GDAP2: variants seen among roughly 807,000 people sequenced by gnomAD.
The protein encoded by GDAP2 is ganglioside-induced differentiation-associated protein 2.
A neutral mutation model predicts 67.0 loss-of-function variants in GDAP2; 51 were observed. The ratio of observed to expected loss-of-function variants is 0.76; its 90% CI spans 0.61 to 0.96. GDAP2 has a LOEUF of 0.96. GDAP2 is among the 40% of genes least tolerant of loss of function. GDAP2 has a pLI of 0.00. For missense variants in GDAP2, 547 were observed against 588.3 expected (o/e 0.93, Z 0.73); for synonymous variants, 203 against 207.3 (o/e 0.98, Z 0.18).
Position 117,863,843 on chromosome 1 carries a change from T to A in GDAP2, c.*6726A>T, listed in dbSNP as rs1647975042. 1 of 152,254 alleles carries A rather than the reference T, an allele frequency of 6.6e-6. No homozygotes were observed. Among genetic ancestry groups the A allele is most frequent in the South Asian group, 2.1e-4 (1 of 4,834 alleles). 9.4% of individuals were successfully genotyped at this position (152,254 alleles called of 1,614,324 possible). A position where few individuals can be genotyped will look rare whatever the true frequency, so the allele number is the denominator to read the frequency against. On this transcript the variant is annotated 3_prime_UTR_variant, in exon 14 of 14. Coordinates refer to ENST00000369443, the MANE Select transcript of GDAP2 (RefSeq NM_017686.4). ...TAAATCCTCAAATGTTAGCTGTTATTATTTCTAATCAAAGCAGTGGTGGCT... is the reference window on the plus strand; with the variant it reads ...TAAATCCTCAAATGTTAGCTGTTATAATTTCTAATCAAAGCAGTGGTGGCT...
At chr1:117,928,746 A>C (rs1416703339) in intron 1 of GDAP2, among the ~76,000 whole-genome samples, 4 of 152,236 alleles carry the variant, frequency 2.6e-5, no homozygotes, top group Non-Finnish European at 5.9e-5. Context: ...CTTGTTCAAG[A>C]AGCGCCGGCA....
rs1019276304 is a variant in GDAP2 at position 117,868,993 on chromosome 1, G to T, written c.*1576C>A. The stretch of plus-strand genomic sequence containing the variant: ...ACAGGATGAATTTAATGCACTATAG[G>T]GGCATTTCCCTATCATAAATGAAGA... On this transcript the variant is annotated 3_prime_UTR_variant, in exon 14 of 14. Transcript: ENST00000369443. 6.6e-6 allele frequency: 1 copy of T among 152,082 alleles called. No homozygotes were observed. The highest frequency in any genetic ancestry group is 2.4e-5 in the African/African-American group (1 of 41,414). 9.4% of individuals were successfully genotyped at this position (152,082 alleles called of 1,614,324 possible).
intron 8 of GDAP2, among the ~76,000 whole-genome samples, chr1:117,890,592 G>C (rs1186268352): frequency 1.3e-5 from 2 of 151,954 alleles, no homozygotes; most frequent in East Asian, 3.9e-4. Flanking sequence ...GAAGTAATAA[G>C]CACCCTAAAA....
rs184276074 is a variant in GDAP2 at position 117,893,957 on chromosome 1, T to C, written c.953+2876A>G. ...CCTATTTTGTGAACATAACTTTTTT[T>C]AAAAAAGCTGTATTTAGAGAAGAGT... On this transcript the variant is annotated intron_variant, in intron 8 of 13. Coordinates refer to ENST00000369443, the MANE Select transcript of GDAP2 (RefSeq NM_017686.4). Among the ~76,000 whole-genome samples, 15 of 152,266 alleles carry C rather than the reference T, an allele frequency of 9.9e-5. No individual in the cohort carries two copies. In the East Asian group the frequency reaches 2.1e-3, roughly 22 times the overall value.
intron 5 of GDAP2, among the ~76,000 whole-genome samples, chr1:117,907,154 T>C (rs1649684652): frequency 6.6e-6 from 1 of 152,204 alleles, no homozygotes; most frequent in Non-Finnish European, 1.5e-5. Flanking sequence ...CAACTTCTAA[T>C]AACAAGACCT....
At chr1:117,871,553 G>C (rs778959568) in intron 13 of GDAP2, among the ~76,000 whole-genome samples, 24 of 152,268 alleles carry the variant, frequency 1.6e-4, no homozygotes, top group Admixed American at 8.5e-4. Flanking sequence ...TTACATTATA[G>C]CTACTACAGA....
At chr1:117,891,093 G>A (rs2101130865) in intron 8 of GDAP2, among the ~76,000 whole-genome samples, 1 of 150,614 alleles carries the variant, frequency 6.6e-6, no homozygotes, top group Non-Finnish European at 1.5e-5. Flanking sequence ...AAACACTTCT[G>A]GTCCCAAGAA....
intron 5 of GDAP2, among the ~76,000 whole-genome samples, chr1:117,910,123 A>G (rs1056281367): frequency 2.0e-5 from 3 of 152,146 alleles, no homozygotes; most frequent in South Asian, 2.1e-4. Flanking sequence ...GTAGTCTTCC[A>G]CTGAAGCAGT....
At chr1:117,883,453 C>G in intron 11 of GDAP2, 35 bp downstream of exon 11, 1 of 1,508,364 alleles carries the variant, frequency 6.6e-7, no homozygotes, top group East Asian at 2.3e-5. Context: ...AAGAAAGAAA[C>G]TATTTCCCCT....
chr1:117,901,731 T>C (rs751162454), intron 6 of GDAP2, among the ~76,000 whole-genome samples: 3 of 152,234 alleles, frequency 2.0e-5, no homozygotes, highest in African/African-American at 4.8e-5. Context: ...ATCTTAAAGC[T>C]TTCTGGCCTG....
Position 117,887,769 on chromosome 1 carries a change from T to C in GDAP2, c.959A>G (p.Asn320Ser). 2 of 1,531,968 alleles carry C rather than the reference T, an allele frequency of 1.3e-6. No individual in the cohort carries two copies. The highest frequency in any genetic ancestry group is 2.3e-5 in the East Asian group (1 of 44,328). 94.9% of individuals were successfully genotyped at this position (1,531,968 alleles called of 1,614,324 possible). A position where few individuals can be genotyped will look rare whatever the true frequency, so the allele number is the denominator to read the frequency against. The change falls in exon 9 of 14, where the codon AAT (asparagine) becomes AGT (serine). Residue 320 changes from asparagine (N) to serine (S), a missense_variant. Transcript: ENST00000369443. ...ALQKQHQRNY[N>S]RWLCQARSED... is the part of the protein sequence containing the mutation. ...AGATCTTGCTTGACATAACCAGCGA[T>C]TATAACTAGGGAAATAAATGATATA...
chr1:117,897,523 C>T (rs899663878), intron 7 of GDAP2, among the ~76,000 whole-genome samples: 1 of 152,192 alleles, frequency 6.6e-6, no homozygotes, highest in African/African-American at 2.4e-5. Context: ...TCTACACTGT[C>T]ATACCAACCT....
At chr1:117,908,113 G>C (rs1053391608) in intron 5 of GDAP2, among the ~76,000 whole-genome samples, 2 of 151,734 alleles carry the variant, frequency 1.3e-5, no homozygotes, top group Admixed American at 1.3e-4. Flanking sequence ...TTCTTTTGGT[G>C]AACTCCTACT....
intron 5 of GDAP2, among the ~76,000 whole-genome samples, chr1:117,911,165 T>C (rs1473927870): frequency 6.6e-6 from 1 of 152,204 alleles, no homozygotes; most frequent in Admixed American, 6.5e-5. Context: ...TCTCATGCAA[T>C]ATGACACACA....
chr1:117,883,763 C>T, intron 10 of GDAP2, 136 bp from the exon 11 acceptor site: 1 of 567,386 alleles, frequency 1.8e-6, no homozygotes. Flanking sequence ...ATGGATAACT[C>T]AGAGTGATGA....
Position 117,925,089 on chromosome 1 carries a change from G to A in GDAP2, c.-68+4359C>T, listed in dbSNP as rs576749281. Among the ~76,000 whole-genome samples, 3 of 152,174 alleles carry A rather than the reference G, an allele frequency of 2.0e-5. 1 individual carries two copies. The South Asian group carries it at 6.2e-4, about 32-fold the overall frequency. ...TGTAAACTTGAATGCCAACTTTCAG[G>A]ACAAAATTGCTTTTTTAAGATAACT... On this transcript the variant is annotated intron_variant, in intron 1 of 13. Transcript: ENST00000369443.
chr1:117,886,738 T>C (rs1648870097), intron 9 of GDAP2, 85 bp from the exon 10 acceptor site: 1 of 756,024 alleles, frequency 1.3e-6, no homozygotes, highest in East Asian at 2.5e-5. Flanking sequence ...TAAAATATTC[T>C]ATGTGAATTT....
chr1:117,886,915 T>A (rs1165124233), intron 9 of GDAP2, among the ~76,000 whole-genome samples: 1 of 152,062 alleles, frequency 6.6e-6, no homozygotes, highest in East Asian at 1.9e-4. Context: ...CAGCCAAAGA[T>A]CTTTTAAAAT....
At chr1:117,921,239 T>TA (rs138452073) in intron 1 of GDAP2, among the ~76,000 whole-genome samples, 51,564 of 150,584 alleles carry the variant, frequency 0.34, 10,430 homozygotes, top group Non-Finnish European at 0.46. Flanking sequence ...AAACTCCGTC[T>TA]AAAAAAAAAA....
Sources: gnomAD v4.1 joint callset for allele counts (sites outside exome capture counted in the v4.1 genomes callset) on GRCh38, gnomAD v4.1.1 for gene constraint, MANE v1.5 for transcripts, NCBI Gene and HGNC (gene_info 2026-07-23, HGNC 2026-07-21) for gene names.